FCGR2A: variants seen among roughly 807,000 people sequenced by gnomAD.
FCGR2A encodes the protein Fc gamma receptor IIa, also known as low affinity immunoglobulin gamma Fc region receptor II-a.
FCGR2A carries 18 observed loss-of-function variants against 29.3 expected under a neutral mutation model. The observed-to-expected ratio is 0.62, with a 90% confidence interval of 0.43 to 0.91. The LOEUF is 0.91. Ranked by LOEUF, FCGR2A falls within the 40% of genes least tolerant of loss-of-function variation. The pLI is 0.00. For missense variants in FCGR2A, 287 were observed against 393.0 expected (o/e 0.73, Z 2.28); for synonymous variants, 126 against 144.8 (o/e 0.87, Z 0.93).
chr1:161,523,899 A>T (rs560531224), downstream of FCGR2A: 1 of 152,200 alleles, frequency 6.6e-6, no homozygotes, highest in Non-Finnish European at 1.5e-5. Context: ...CGAGAATTCT[A>T]CCACTGAACC....
chr1:161,507,592 C>T (rs1290158653), intron 3 of FCGR2A, among the ~76,000 whole-genome samples: 1 of 152,132 alleles, frequency 6.6e-6, no homozygotes, highest in Non-Finnish European at 1.5e-5. Context: ...TTTTGTGGTC[C>T]TTTAAGGCTG....
chr1:161,507,127 T>G (rs1392533644), intron 3 of FCGR2A, among the ~76,000 whole-genome samples: 2 of 152,202 alleles, frequency 1.3e-5, no homozygotes, highest in East Asian at 1.9e-4. Context: ...TTGAGATGGC[T>G]TTAATTAAAG....
intron 2 of FCGR2A, 106 bp downstream of exon 2, chr1:161,506,113 A>G: frequency 7.4e-7 from 1 of 1,359,400 alleles, no homozygotes; most frequent in Non-Finnish European, 1.1e-6. Context: ...CTGAAAATCA[A>G]GCTTGGGTTC....
chr1:161,506,468 C>A lies in FCGR2A; in HGVS notation c.241C>A (p.Leu81Ile), dbSNP rs767164374. 2.5e-6 allele frequency: 4 copies of A among 1,614,098 alleles called. No homozygotes were observed. Among genetic ancestry groups the A allele is most frequent in the Non-Finnish European group, 8.5e-7 (1 of 1,180,046 alleles). The stretch of plus-strand genomic sequence containing the variant: ...CATTCAGTGGTTCCACAATGGGAAT[C>A]TCATTCCCACCCACACGCAGCCCAG... Reference protein sequence around the residue: ...DSIQWFHNGNLIPTHTQPSYR... With the variant: ...DSIQWFHNGNIIPTHTQPSYR... Residue 81 changes from leucine (L) to isoleucine (I), a missense_variant, in exon 3 of 7, where the codon CTC (leucine) becomes ATC (isoleucine). This residue lies in a region of FCGR2A where 181 missense variants were observed against 250.9 expected (regional missense o/e 0.72). Coordinates refer to ENST00000271450, the MANE Select transcript of FCGR2A (RefSeq NM_001136219.3).
At position 161,510,795 on chromosome 1, in the gene FCGR2A, A is replaced by G. The variant is rs759725388; in HGVS notation, c.620-39A>G. The G allele has an allele frequency of 3.7e-6, 6 of 1,611,802 alleles. No individual in the cohort carries two copies. In the South Asian group the frequency reaches 5.5e-5, roughly 15 times the overall value. ...AGAATACAAACGTTGTCATTAAAAT[A>G]GTAACCCCCCATCCTGCCCTAATGT... On this transcript the variant is annotated intron_variant, in intron 4 of 6. Transcript: ENST00000271450.
rs1257003455 is a variant in FCGR2A at position 161,506,423 on chromosome 1, C to T, written c.196C>T (p.Arg66Cys). The T allele has an allele frequency of 5.0e-6, 8 of 1,614,064 alleles. No homozygotes were observed. Among genetic ancestry groups the T allele is most frequent in the South Asian group, 2.2e-5 (2 of 91,090 alleles). The change falls in exon 3 of 7, where the codon CGC (arginine) becomes TGC (cysteine). Residue 66 changes from arginine to cysteine, a missense_variant. By Grantham distance (180) the Arg-to-Cys change is radical. This residue lies in a region of FCGR2A where 181 missense variants were observed against 250.9 expected (regional missense o/e 0.72). Coordinates refer to ENST00000271450, the MANE Select transcript of FCGR2A (RefSeq NM_001136219.3). ...DSVTLTCQGA[R>C]SPESDSIQWF... ...TGTGACTCTGACATGCCAGGGGGCT[C>T]GCAGCCCTGAGAGCGACTCCATTCA... is the stretch of plus-strand genomic sequence containing the variant.
downstream of FCGR2A, chr1:161,523,493 C>T (rs1676533408): frequency 6.6e-6 from 1 of 152,076 alleles, no homozygotes; most frequent in South Asian, 2.1e-4. Flanking sequence ...TGGTCTCCAG[C>T]TGGGAACCCA....
chr1:161,521,531 A>G (rs188766359), downstream of FCGR2A, among the ~76,000 whole-genome samples: 39 of 151,934 alleles, frequency 2.6e-4, 1 homozygote, highest in Admixed American at 2.2e-3. Context: ...TTATACTACA[A>G]ATTTTGTTCT....
chr1:161,508,413 A>G (rs553984648), intron 3 of FCGR2A, among the ~76,000 whole-genome samples: 2 of 151,328 alleles, frequency 1.3e-5, no homozygotes, highest in Admixed American at 6.6e-5. Flanking sequence ...ACATGGAAAA[A>G]CCCCATCTCT....
At chr1:161,522,343 T>C (rs1676485374), downstream of FCGR2A, among the ~76,000 whole-genome samples, 1 of 152,112 alleles carries the variant, frequency 6.6e-6, no homozygotes, top group African/African-American at 2.4e-5. Context: ...AAGAGATCAA[T>C]TAAAAAGAAG....
chr1:161,520,262 G>T (rs1676400019), downstream of FCGR2A, among the ~76,000 whole-genome samples: 1 of 152,094 alleles, frequency 6.6e-6, no homozygotes, highest in African/African-American at 2.4e-5. Flanking sequence ...TCGCTGGGGA[G>T]GCCTCAGGAA....
chr1:161,511,873 G>A (rs545350258), intron 5 of FCGR2A, among the ~76,000 whole-genome samples: 27 of 152,204 alleles, frequency 1.8e-4, no homozygotes, highest in South Asian at 4.1e-4. Context: ...CAGGGCTGCC[G>A]GCTGGACCTG....
intron 6 of FCGR2A, chr1:161,514,608 C>T (rs1676032266): frequency 6.5e-6 from 1 of 153,230 alleles, no homozygotes; most frequent in South Asian, 2.1e-4. Context: ...TAGGTAAGTC[C>T]CTCTCAGATA....
chr1:161,505,562 G>C lies in FCGR2A; in HGVS notation c.85+10G>C. On this transcript the variant is annotated intron_variant, in intron 1 of 6. Transcript: ENST00000271450. ...GTTTTGCTGCTGCTGGGTGAGTGAG[G>C]GTCATTCTGAAATGGGGCAATTTCA... 2 of 1,611,632 alleles carry C rather than the reference G, an allele frequency of 1.2e-6. No homozygotes were observed. The highest frequency in any genetic ancestry group is 8.5e-7 in the Non-Finnish European group (1 of 1,177,758).
chr1:161,510,833 G>C lies in FCGR2A; in HGVS notation c.620-1G>C. The C allele has an allele frequency of 1.2e-6, 2 of 1,614,126 alleles. No individual in the cohort carries two copies. Among genetic ancestry groups the C allele is most frequent in the Non-Finnish European group, 1.7e-6 (2 of 1,179,992 alleles). On this transcript the variant is annotated splice_acceptor_variant, in intron 4 of 6. Coordinates refer to ENST00000271450, the MANE Select transcript of FCGR2A (RefSeq NM_001136219.3). LOFTEE classifies it high-confidence loss of function. ...CCTGCCCTAATGTCTGTCTTCCCTA[G>C]TGCCCAGCATGGGCAGCTCTTCACC...
chr1:161,523,874 C>G (rs1020361938), downstream of FCGR2A: 3 of 152,018 alleles, frequency 2.0e-5, no homozygotes, highest in Non-Finnish European at 2.9e-5. Context: ...GAACCCGGGC[C>G]TCCCGCGTGG....
downstream of FCGR2A, among the ~76,000 whole-genome samples, chr1:161,522,597 T>C (rs190192971): frequency 1.3e-3 from 199 of 152,228 alleles, 2 homozygotes; most frequent in Non-Finnish European, 2.4e-3. Flanking sequence ...CGTTGGCAAA[T>C]GTCTTGACTC....
chr1:161,520,254 G>T (rs761403839), downstream of FCGR2A, among the ~76,000 whole-genome samples: 2 of 152,054 alleles, frequency 1.3e-5, no homozygotes, highest in Admixed American at 1.3e-4. Context: ...GTTCCTTATC[G>T]CTGGGGAGGC....
chr1:161,519,899 T>A (rs1676385690), downstream of FCGR2A: 1 of 152,160 alleles, frequency 6.6e-6, no homozygotes, highest in South Asian at 2.1e-4. Context: ...GCACTGCTAT[T>A]TTCCCAGTGC....
Sources: allele counts gnomAD v4.1 joint callset (sites outside exome capture counted in the v4.1 genomes callset), GRCh38; gene constraint gnomAD v4.1.1; regional missense constraint gnomAD v4.1.1; transcripts MANE v1.5; gene names NCBI Gene and HGNC (gene_info 2026-07-23, HGNC 2026-07-21).